The following WDR27 variants were observed in gnomAD, a reference collection of about 807,000 sequenced individuals.
WDR27 encodes WD repeat-containing protein 27.
A neutral mutation model predicts 114.4 loss-of-function variants in WDR27; 100 were observed. That is an observed-to-expected ratio of 0.87 (90% CI 0.74 to 1.03). The LOEUF (loss-of-function observed/expected upper bound fraction) is 1.03, where lower values mean the gene tolerates loss of function less well. Among genes scored for constraint, WDR27 ranks in the 50% least tolerant of loss-of-function variants. The pLI, the probability that WDR27 is intolerant of heterozygous loss-of-function variation, is 0.00. For synonymous variants in WDR27, 449 were observed against 423.1 expected, an observed-to-expected ratio of 1.06 and a Z score of -0.75; for missense variants, 1,129 against 1,092.9, an observed-to-expected ratio of 1.03 and a Z score of -0.47.
chr6:169,480,190 T>G (rs1450487071), intron 25 of WDR27, among the ~76,000 whole-genome samples: 2 of 152,176 alleles, frequency 1.3e-5, no homozygotes, highest in Admixed American at 6.5e-5. Context: ...GGCCAGCACC[T>G]GTGGAAGGTG....
At chr6:169,551,162 G>A (rs920707331) in intron 25 of WDR27, among the ~76,000 whole-genome samples, 3 of 152,184 alleles carry the variant, frequency 2.0e-5, no homozygotes, top group Admixed American at 6.5e-5. Flanking sequence ...AAAGGTGAAT[G>A]AGTCCCCACT....
intron 25 of WDR27, among the ~76,000 whole-genome samples, chr6:169,561,263 C>T (rs1427534092): frequency 6.6e-6 from 1 of 152,078 alleles, no homozygotes. Flanking sequence ...TTTATGGGGG[C>T]ATTAATTCCT....
At chr6:169,440,055 T>C in the WDR27 span, among the ~76,000 whole-genome samples, 1 of 152,118 alleles carries the variant, frequency 6.6e-6, no homozygotes, top group Non-Finnish European at 1.5e-5. Flanking sequence ...AGCTTCAAAA[T>C]ATTTTTAACA....
chr6:169,693,051 A>G (rs1585207266), intron 1 of WDR27, among the ~76,000 whole-genome samples: 1 of 152,220 alleles, frequency 6.6e-6, no homozygotes, highest in Non-Finnish European at 1.5e-5. Flanking sequence ...CTGGTTATCT[A>G]AAGTCAGGAA....
At chr6:169,691,241 A>T (rs928232649) in intron 1 of WDR27, among the ~76,000 whole-genome samples, 6 of 152,308 alleles carry the variant, frequency 3.9e-5, no homozygotes, top group African/African-American at 1.2e-4. Flanking sequence ...ATTAAATTTT[A>T]AAAAAACGTA....
At chr6:169,562,795 A>C (rs1226283835) in intron 25 of WDR27, among the ~76,000 whole-genome samples, 1 of 152,204 alleles carries the variant, frequency 6.6e-6, no homozygotes, top group Non-Finnish European at 1.5e-5. Flanking sequence ...TGCAGAAGTG[A>C]AATAAGGAAC....
chr6:169,613,306 A>C (rs1227418971), intron 22 of WDR27, among the ~76,000 whole-genome samples: 1 of 152,164 alleles, frequency 6.6e-6, no homozygotes, highest in Non-Finnish European at 1.5e-5. Context: ...GAGATTCCAA[A>C]GTCTCCCTCA....
intron 25 of WDR27, among the ~76,000 whole-genome samples, chr6:169,568,370 C>T (rs764103470): frequency 6.6e-6 from 1 of 152,040 alleles, no homozygotes; most frequent in Non-Finnish European, 1.5e-5. Flanking sequence ...TACATGTCTT[C>T]CATGAAAAAT....
intron 22 of WDR27, among the ~76,000 whole-genome samples, chr6:169,610,352 T>C (rs1350912946): frequency 6.6e-6 from 1 of 152,216 alleles, no homozygotes; most frequent in African/African-American, 2.4e-5. Flanking sequence ...AGTGGTTTAA[T>C]TGGACTTACA....
intron 2 of WDR27, among the ~76,000 whole-genome samples, chr6:169,677,248 T>C (rs1302776359): frequency 3.9e-5 from 6 of 152,186 alleles, no homozygotes; most frequent in African/African-American, 1.4e-4. Context: ...GCTGAGGAAG[T>C]CTCAGATGGA....
chr6:169,454,335 T>C (rs1367198137), downstream of WDR27, among the ~76,000 whole-genome samples: 1 of 152,182 alleles, frequency 6.6e-6, no homozygotes, highest in East Asian at 1.9e-4. Flanking sequence ...TTGGTGGTCC[T>C]GTCAAACGGT....
At chr6:169,635,873 G>A (rs1358414446) in intron 19 of WDR27, among the ~76,000 whole-genome samples, 2 of 152,286 alleles carry the variant, frequency 1.3e-5, no homozygotes, top group East Asian at 3.9e-4. Context: ...ATCTCAAAAG[G>A]AGGAAAAAGG....
chr6:169,669,196 T>G (rs759786891), intron 4 of WDR27, among the ~76,000 whole-genome samples: 2 of 152,236 alleles, frequency 1.3e-5, no homozygotes, highest in African/African-American at 2.4e-5. Context: ...ATCTTTAAAA[T>G]CAAATGGTAT....
chr6:169,476,647 G>C (rs1427663900), intron 25 of WDR27, among the ~76,000 whole-genome samples: 2 of 152,046 alleles, frequency 1.3e-5, no homozygotes, highest in Non-Finnish European at 2.9e-5. Flanking sequence ...CAGTTTATTA[G>C]AGATTTAAAA....
At chr6:169,466,457 GA>G (rs1785599162) in intron 25 of WDR27, among the ~76,000 whole-genome samples, 1 of 152,106 alleles carries the variant, frequency 6.6e-6, no homozygotes, top group African/African-American at 2.4e-5. Flanking sequence ...AGCAAAGGGG[GA>G]AAAACCCCTT....
At chr6:169,455,319 A>G (rs962937301), downstream of WDR27, among the ~76,000 whole-genome samples, 3 of 152,248 alleles carry the variant, frequency 2.0e-5, no homozygotes, top group Non-Finnish European at 2.9e-5. Flanking sequence ...AACAATGCCT[A>G]TCAAACACAC....
chr6:169,574,635 G>A (rs948617493), intron 24 of WDR27, among the ~76,000 whole-genome samples: 13 of 152,132 alleles, frequency 8.5e-5, no homozygotes, highest in Non-Finnish European at 1.3e-4. Flanking sequence ...CACGAAGTGC[G>A]TTCATGAGCC....
intron 22 of WDR27, among the ~76,000 whole-genome samples, chr6:169,606,376 T>A (rs1402138389): frequency 6.6e-6 from 1 of 152,210 alleles, no homozygotes; most frequent in Admixed American, 6.5e-5. Context: ...ATAGGTAACA[T>A]GTGCTATGGT....
intron 25 of WDR27, among the ~76,000 whole-genome samples, chr6:169,485,199 A>C (rs1260600685): frequency 6.6e-6 from 1 of 152,232 alleles, no homozygotes; most frequent in Admixed American, 6.5e-5. Context: ...GAGCTTCTGC[A>C]CAGCAAAACA....
Sources: gnomAD v4.1 joint callset for allele counts (sites outside exome capture counted in the v4.1 genomes callset) on GRCh38, gnomAD v4.1.1 for gene constraint, MANE v1.5 for transcripts, NCBI Gene and HGNC (gene_info 2026-07-23, HGNC 2026-07-21) for gene names.